GLRB: variants seen among roughly 807,000 people sequenced by gnomAD.
GLRB encodes the protein glycine receptor beta.
GLRB carries 33 observed loss-of-function variants against 54.2 expected under a neutral mutation model. The observed-to-expected ratio is 0.61, with a 90% CI of 0.46 to 0.81. GLRB has a LOEUF of 0.81. Ranked by LOEUF, GLRB falls within the 40% of genes least tolerant of loss-of-function variation. GLRB has a pLI of 0.00. For synonymous variants in GLRB, 209 were observed against 208.2 expected, an observed-to-expected ratio of 1.00 and a Z score of -0.03; for missense variants, 572 against 584.6, an observed-to-expected ratio of 0.98 and a Z score of 0.22.
chr4:157,149,248 T>A (rs1204676618), intron 8 of GLRB, among the ~76,000 whole-genome samples: 3 of 152,114 alleles, frequency 2.0e-5, no homozygotes, highest in African/African-American at 7.2e-5. Flanking sequence ...TTTTAAAAAA[T>A]TAGTTTTGTA....
chr4:157,159,834 G>A (rs774658272), intron 9 of GLRB, among the ~76,000 whole-genome samples: 44 of 152,246 alleles, frequency 2.9e-4, no homozygotes, highest in Non-Finnish European at 3.7e-4. Context: ...GTATCAGGAT[G>A]ATGTTGGCCT....
intron 9 of GLRB, among the ~76,000 whole-genome samples, chr4:157,156,899 C>A (rs1022310208): frequency 6.6e-6 from 1 of 152,134 alleles, no homozygotes; most frequent in Non-Finnish European, 1.5e-5. Context: ...GACTCCAAAT[C>A]GTGTTTAAGC....
At chr4:157,128,776 A>G (rs566963382) in intron 4 of GLRB, among the ~76,000 whole-genome samples, 7 of 151,988 alleles carry the variant, frequency 4.6e-5, no homozygotes, top group African/African-American at 1.7e-4. Flanking sequence ...AAGAGTTTTT[A>G]CAGGCATTTG....
chr4:157,082,580 G>C (rs1193431234), intron 2 of GLRB, among the ~76,000 whole-genome samples: 1 of 152,136 alleles, frequency 6.6e-6, no homozygotes, highest in Non-Finnish European at 1.5e-5. Context: ...GGAAAATTTA[G>C]AAATATGGTC....
chr4:157,119,895 A>G (rs568561806), intron 2 of GLRB, among the ~76,000 whole-genome samples: 2 of 151,946 alleles, frequency 1.3e-5, no homozygotes, highest in East Asian at 3.9e-4. Context: ...ATATACACAA[A>G]GAACTATAAA....
rs1270655277 is a variant in GLRB at position 157,136,840 on chromosome 4, A to G, written c.564A>G (p.Thr188=). ...SITLSCPLDL[T]LFPMDTQRCK... is the part of the protein sequence containing the mutation. The stretch of plus-strand genomic sequence containing the variant: ...CTCTTTCATGCCCTTTGGACTTGAC[A>G]TTGTTTCCCATGGATACACAACGTT... The change falls in exon 6 of 10, where the codon ACA becomes ACG. Residue 188 remains threonine, a synonymous_variant. Transcript: ENST00000264428. The G allele has an allele frequency of 6.2e-7, 1 of 1,611,106 alleles. No individual in the cohort carries two copies. Among genetic ancestry groups the G allele is most frequent in the East Asian group, 2.2e-5 (1 of 44,834 alleles).
intron 3 of GLRB, among the ~76,000 whole-genome samples, chr4:157,121,563 G>T (rs1006384009): frequency 4.0e-5 from 6 of 151,024 alleles, no homozygotes; most frequent in Admixed American, 1.3e-4. Flanking sequence ...TCATTACCAG[G>T]ACCTATTCAG....
intron 2 of GLRB, among the ~76,000 whole-genome samples, chr4:157,103,791 A>C (rs547695796): frequency 6.6e-6 from 1 of 152,116 alleles, no homozygotes; most frequent in Non-Finnish European, 1.5e-5. Context: ...ATATTTTATT[A>C]TTTTTGATGG....
In GLRB at chr4:157,152,703, T is replaced by C. The variant is rs759530266; in HGVS notation, c.905-15T>C. On this transcript the variant is annotated splice_polypyrimidine_tract_variant and intron_variant, in intron 8 of 9. Transcript: ENST00000264428. ...GGATAAAAAGCAACTTTCATTCCTC[T>C]TTCTGTTTCTGTAGGTATCTTCTCA... 7.3e-5 allele frequency: 118 copies of C among 1,610,274 alleles called. No homozygotes were observed. In the Middle Eastern group the frequency reaches 2.5e-3, roughly 34 times the overall value.
chr4:157,125,222 C>T (rs1480420174), intron 4 of GLRB, among the ~76,000 whole-genome samples: 1 of 151,410 alleles, frequency 6.6e-6, no homozygotes, highest in Non-Finnish European at 1.5e-5. Context: ...TCAAAACAAA[C>T]AAAAATAATA....
intron 4 of GLRB, among the ~76,000 whole-genome samples, chr4:157,132,004 C>CT (rs1396702192): frequency 6.6e-6 from 1 of 151,720 alleles, no homozygotes; most frequent in Non-Finnish European, 1.5e-5. Flanking sequence ...AGTGGCTGAA[C>CT]AGTTTTTGAT....
chr4:157,158,764 G>A lies in GLRB; in HGVS notation c.1197+5754G>A, dbSNP rs769834149. 4.6e-5 allele frequency among the ~76,000 whole-genome samples: 7 copies of A among 152,218 alleles called. No individual in the cohort carries two copies. The East Asian group carries it at 5.8e-4, about 13-fold the overall frequency. On this transcript the variant is annotated intron_variant, in intron 9 of 9. Transcript: ENST00000264428. ...GTAGTAGAGTTTAAAGTCAGGTAGC[G>A]TGATGCCTCCAGCTTTGTTCTTTTT...
At chr4:157,158,547 T>C (rs1259977262) in intron 9 of GLRB, among the ~76,000 whole-genome samples, 1 of 152,232 alleles carries the variant, frequency 6.6e-6, no homozygotes, top group Non-Finnish European at 1.5e-5. Context: ...GCTTTCCACA[T>C]GTGGCTAGCC....
intron 8 of GLRB, among the ~76,000 whole-genome samples, chr4:157,148,008 A>C (rs771025924): frequency 1.3e-5 from 2 of 152,306 alleles, no homozygotes; most frequent in Non-Finnish European, 2.9e-5. Flanking sequence ...TAGTTTGCTG[A>C]TCCCTGGTCC....
chr4:157,152,787 A>T lies in GLRB; in HGVS notation c.974A>T (p.Tyr325Phe). The change falls in exon 9 of 10, where the codon TAT (tyrosine) becomes TTT (phenylalanine). Residue 325 changes from tyrosine (Y) to phenylalanine (F), a missense_variant. Coordinates refer to ENST00000264428, the MANE Select transcript of GLRB (RefSeq NM_000824.5). ...GCCGCTGAGCTTCCCAAAGTTTCCT[A>T]TGTGAAGGCTCTTGATGTTTGGCTT... Reference protein sequence around the residue: ...TLAAELPKVSYVKALDVWLIA... With the variant: ...TLAAELPKVSFVKALDVWLIA... The T allele has an allele frequency of 6.2e-7, 1 of 1,613,564 alleles. No homozygotes were observed. Among genetic ancestry groups the T allele is most frequent in the East Asian group, 2.2e-5 (1 of 44,854 alleles).
At chr4:157,092,757 G>A (rs772235305) in intron 2 of GLRB, among the ~76,000 whole-genome samples, 8 of 152,182 alleles carry the variant, frequency 5.3e-5, no homozygotes, top group Non-Finnish European at 1.2e-4. Flanking sequence ...TATAAAGAAC[G>A]TAGGATGTGG....
chr4:157,126,772 C>G (rs991691459), intron 4 of GLRB, among the ~76,000 whole-genome samples: 1 of 151,768 alleles, frequency 6.6e-6, no homozygotes, highest in Non-Finnish European at 1.5e-5. Flanking sequence ...TGTGACCTAT[C>G]GAACTTATGT....
intron 2 of GLRB, among the ~76,000 whole-genome samples, chr4:157,085,682 A>G (rs550575043): frequency 1.7e-4 from 26 of 152,124 alleles, no homozygotes; most frequent in Middle Eastern, 6.8e-3. Flanking sequence ...TGTTTTCAGT[A>G]GAGATGGGGT....
chr4:157,163,895 G>A (rs1437675305), intron 9 of GLRB, among the ~76,000 whole-genome samples: 1 of 150,744 alleles, frequency 6.6e-6, no homozygotes, highest in Non-Finnish European at 1.5e-5. Flanking sequence ...CTTAGCAGGA[G>A]GAATAGGAAA....
Sources: allele counts gnomAD v4.1 joint callset (sites outside exome capture counted in the v4.1 genomes callset), GRCh38; gene constraint gnomAD v4.1.1; transcripts MANE v1.5; gene names NCBI Gene and HGNC (gene_info 2026-07-23, HGNC 2026-07-21).